Variants in MGAT4C observed in about 807,000 individuals in gnomAD.
MGAT4C encodes alpha-1,3-mannosyl-glycoprotein 4-beta-N-acetylglucosaminyltransferase C.
In MGAT4C, 19 loss-of-function variants were observed where a neutral mutation model predicts 40.1. That is an observed-to-expected ratio of 0.47 (90% CI 0.33 to 0.70). The LOEUF is 0.70. MGAT4C is among the 30% of genes least tolerant of loss of function. The pLI is 0.02. For missense variants in MGAT4C, 491 were observed against 563.2 expected (o/e 0.87, Z 1.30); for synonymous variants, 181 against 187.1 (o/e 0.97, Z 0.27).
At chr12:86,241,884 C>T (rs527412048) in intron 1 of MGAT4C, among the ~76,000 whole-genome samples, 1 of 152,248 alleles carries the variant, frequency 6.6e-6, no homozygotes, top group African/African-American at 2.4e-5. Context: ...GCCCAATAAG[C>T]CACTCTTCCT....
intron 2 of MGAT4C, among the ~76,000 whole-genome samples, chr12:86,525,817 T>A (rs2136365856): frequency 6.6e-6 from 1 of 152,132 alleles, no homozygotes; most frequent in East Asian, 1.9e-4. Context: ...ACTGCACTGT[T>A]GGAAGGTTTG....
chr12:85,979,732 C>T lies in MGAT4C; in HGVS notation c.994G>A (p.Glu332Lys), dbSNP rs770027343. The T allele has an allele frequency of 2.5e-6, 4 of 1,613,392 alleles. No homozygotes were observed. The highest frequency in any genetic ancestry group is 3.4e-6 in the Non-Finnish European group (4 of 1,179,792). Residue 332 changes from glutamate to lysine, a missense_variant, in exon 5 of 5, where the codon GAG (glutamate) becomes AAG (lysine). By Grantham distance (56) the Glu-to-Lys change is moderately conservative. Coordinates refer to ENST00000611864, the MANE Select transcript of MGAT4C (RefSeq NM_001351288.2). ...ENKLKDDDFE[E>K]ESFDIPDNPP... ...TTATCAGGAATGTCAAATGACTCCT[C>T]TTCAAAATCATCATCCTTCAGCTTA...
At chr12:86,829,366 ACAAC>A (rs2136234344) in intron 1 of MGAT4C, among the ~76,000 whole-genome samples, 1 of 151,718 alleles carries the variant, frequency 6.6e-6, no homozygotes, top group South Asian at 2.1e-4. Context: ...TAGCTCCTAA[ACAAC>A]CATTAGGCTT....
chr12:86,813,276 G>T (rs1343306974), intron 1 of MGAT4C, among the ~76,000 whole-genome samples: 2 of 151,250 alleles, frequency 1.3e-5, no homozygotes, highest in East Asian at 3.9e-4. Context: ...TTTTCCTTAT[G>T]ATTTATACAT....
chr12:86,739,133 C>CAAAAAAAAAAAAAAAAAA (rs59869666), intron 1 of MGAT4C, among the ~76,000 whole-genome samples: 7 of 39,790 alleles, frequency 1.8e-4, no homozygotes, highest in African/African-American at 4.2e-4. Context: ...TTTCCCTGTG[C>CAAAAAAAAAAAAAAAAAA]AAAAAAAAAA....
At chr12:86,118,774 G>A (rs1048302686) in intron 1 of MGAT4C, among the ~76,000 whole-genome samples, 1 of 151,984 alleles carries the variant, frequency 6.6e-6, no homozygotes, top group African/African-American at 2.4e-5. Flanking sequence ...AATAAAAATG[G>A]AATTATAGCA....
At chr12:86,195,352 C>T (rs1241635095) in intron 1 of MGAT4C, among the ~76,000 whole-genome samples, 1 of 151,960 alleles carries the variant, frequency 6.6e-6, no homozygotes, top group Non-Finnish European at 1.5e-5. Flanking sequence ...TTCTATAGGC[C>T]AGTCTTTCTT....
chr12:86,478,081 G>T (rs1019634754), intron 2 of MGAT4C, among the ~76,000 whole-genome samples: 1 of 152,054 alleles, frequency 6.6e-6, no homozygotes. Context: ...CAAGATCACT[G>T]TAGATTAAAA....
chr12:86,127,093 C>T (rs1239409964), intron 1 of MGAT4C, among the ~76,000 whole-genome samples: 1 of 152,162 alleles, frequency 6.6e-6, no homozygotes, highest in Non-Finnish European at 1.5e-5. Context: ...GCTGGCGGCT[C>T]ACCACCTGCT....
At chr12:86,576,653 G>T (rs1002593713) in intron 2 of MGAT4C, among the ~76,000 whole-genome samples, 3 of 151,832 alleles carry the variant, frequency 2.0e-5, no homozygotes, top group African/African-American at 7.2e-5. Flanking sequence ...TTGTGTTTGA[G>T]TTCTCTGTTC....
At chr12:86,718,438 G>A (rs1207824433) in intron 2 of MGAT4C, among the ~76,000 whole-genome samples, 1 of 152,144 alleles carries the variant, frequency 6.6e-6, no homozygotes, top group Admixed American at 6.5e-5. Context: ...AATGTCTGAG[G>A]ATGGGGTTAT....
At chr12:86,136,442 T>C (rs1003867238) in intron 1 of MGAT4C, among the ~76,000 whole-genome samples, 3 of 152,124 alleles carry the variant, frequency 2.0e-5, no homozygotes, top group Non-Finnish European at 4.4e-5. Flanking sequence ...GGACAAATAT[T>C]TTAGATAGAG....
intron 2 of MGAT4C, among the ~76,000 whole-genome samples, chr12:86,042,746 T>C (rs988146041): frequency 5.9e-5 from 9 of 151,524 alleles, no homozygotes; most frequent in Non-Finnish European, 1.0e-4. Flanking sequence ...CAGGCACCTG[T>C]AGTCCCAGCT....
In MGAT4C at chr12:85,973,821, A is replaced by G. The variant is rs182164237; in HGVS notation, c.*5468T>C. On this transcript the variant is annotated 3_prime_UTR_variant, in exon 5 of 5. Transcript: ENST00000611864. ...CAAATCAAAAACTGCTTTGGTCTCA[A>G]ATCCATGTTTTTCAGAAAAGATATT... 1 of 151,028 alleles carries G rather than the reference A, an allele frequency of 6.6e-6. No individual in the cohort carries two copies. The highest frequency in any genetic ancestry group is 1.5e-5 in the Non-Finnish European group (1 of 67,102). The allele number at this position is 151,028 out of a possible 1,614,324, so 9.4% of individuals were successfully genotyped here.
At chr12:86,546,300 C>G (rs1308593181) in intron 2 of MGAT4C, among the ~76,000 whole-genome samples, 1 of 151,544 alleles carries the variant, frequency 6.6e-6, no homozygotes. Context: ...CTATTTATTA[C>G]TGCATTCAAA....
chr12:86,367,507 C>A (rs1955621781), intron 3 of MGAT4C, among the ~76,000 whole-genome samples: 1 of 152,144 alleles, frequency 6.6e-6, no homozygotes, highest in Non-Finnish European at 1.5e-5. Context: ...TCCTTAAAAA[C>A]TCTTAGTCTG....
intron 1 of MGAT4C, among the ~76,000 whole-genome samples, chr12:86,165,818 T>C (rs913778356): frequency 1.3e-5 from 2 of 152,174 alleles, no homozygotes; most frequent in Non-Finnish European, 2.9e-5. Flanking sequence ...ATTTATTATT[T>C]AATTAATAAA....
intron 2 of MGAT4C, among the ~76,000 whole-genome samples, chr12:86,603,585 T>C (rs1961904537): frequency 8.2e-6 from 1 of 121,508 alleles, no homozygotes; most frequent in Non-Finnish European, 1.6e-5. Flanking sequence ...TAATATATAG[T>C]CATATAGTCT....
intron 3 of MGAT4C, among the ~76,000 whole-genome samples, chr12:86,337,142 A>T (rs1324147011): frequency 6.6e-6 from 1 of 152,192 alleles, no homozygotes; most frequent in African/African-American, 2.4e-5. Context: ...GGTGATGATG[A>T]TAGAAACCAA....
Sources: gnomAD v4.1 joint callset for allele counts (sites outside exome capture counted in the v4.1 genomes callset) on GRCh38, gnomAD v4.1.1 for gene constraint, MANE v1.5 for transcripts, NCBI Gene and HGNC (gene_info 2026-07-23, HGNC 2026-07-21) for gene names.